The following TENM2 variants were observed in gnomAD, a reference collection of about 807,000 sequenced individuals.
TENM2 encodes the protein teneurin-2.
In TENM2, 52 loss-of-function variants were observed where a neutral mutation model predicts 245.2. The observed-to-expected ratio is 0.21, with a 90% CI of 0.17 to 0.27. The LOEUF is 0.27. Among genes scored for constraint, TENM2 ranks in the 10% least tolerant of loss-of-function variants. TENM2 has a pLI of 1.00. For missense variants in TENM2, 3,046 were observed against 3,666.8 expected (o/e 0.83, Z 4.37); for synonymous variants, 1,363 against 1,438.9 (o/e 0.95, Z 1.19).
chr5:167,928,603 G>A (rs1777942847), intron 3 of TENM2, among the ~76,000 whole-genome samples: 1 of 152,092 alleles, frequency 6.6e-6, no homozygotes, highest in Admixed American at 6.5e-5. Flanking sequence ...TGTGTTAAAA[G>A]AATGTGTGGG....
intron 7 of TENM2, among the ~76,000 whole-genome samples, chr5:168,075,017 AT>A (rs1356361221): frequency 1.3e-5 from 2 of 152,094 alleles, no homozygotes; most frequent in Non-Finnish European, 2.9e-5. Flanking sequence ...GATTTCTGAG[AT>A]TTTGGTGCAC....
intron 1 of TENM2, among the ~76,000 whole-genome samples, chr5:167,325,068 C>G (rs939254543): frequency 5.3e-5 from 8 of 152,126 alleles, no homozygotes; most frequent in Non-Finnish European, 1.0e-4. Context: ...TGATCCATGT[C>G]TTTTAATCTC....
chr5:167,422,681 A>G (rs1016312028), intron 2 of TENM2, among the ~76,000 whole-genome samples: 8 of 152,174 alleles, frequency 5.3e-5, no homozygotes, highest in African/African-American at 1.7e-4. Flanking sequence ...TTTGATGTCT[A>G]TTTCCAAAAG....
intron 2 of TENM2, among the ~76,000 whole-genome samples, chr5:167,772,937 G>A (rs1763499134): frequency 6.6e-6 from 1 of 152,092 alleles, no homozygotes; most frequent in South Asian, 2.1e-4. Flanking sequence ...GTACCCTCCA[G>A]AAATGGCTCA....
intron 11 of TENM2, 68 bp downstream of exon 13, chr5:168,125,118 T>A (rs1272056440): frequency 7.5e-7 from 1 of 1,328,906 alleles, no homozygotes; most frequent in Non-Finnish European, 1.1e-6. Context: ...CATTCTCAGA[T>A]GGATGGGAAT....
intron 3 of TENM2, among the ~76,000 whole-genome samples, chr5:167,942,481 A>G (rs1026900178): frequency 6.6e-6 from 1 of 152,144 alleles, no homozygotes; most frequent in African/African-American, 2.4e-5. Context: ...AGGCCCTAGA[A>G]ATGGCCTCCT....
At chr5:167,456,693 T>A (rs1765944310) in intron 2 of TENM2, among the ~76,000 whole-genome samples, 1 of 152,248 alleles carries the variant, frequency 6.6e-6, no homozygotes, top group Non-Finnish European at 1.5e-5. Flanking sequence ...GCTACATAAA[T>A]GAGCTTATCT....
the TENM2 span, among the ~76,000 whole-genome samples, chr5:167,073,550 C>T: frequency 1.3e-5 from 2 of 152,080 alleles, no homozygotes; most frequent in East Asian, 1.9e-4. Flanking sequence ...TATTGTCTCT[C>T]CCCCTCCCAA....
intron 2 of TENM2, among the ~76,000 whole-genome samples, chr5:167,561,224 A>C (rs890627207): frequency 6.6e-6 from 1 of 152,228 alleles, no homozygotes; most frequent in Non-Finnish European, 1.5e-5. Context: ...CAACCTGATT[A>C]ACCTATTAAA....
chr5:167,400,662 C>A (rs1281771225), intron 2 of TENM2, among the ~76,000 whole-genome samples: 1 of 151,912 alleles, frequency 6.6e-6, no homozygotes, highest in Admixed American at 6.6e-5. Context: ...GTACCAGGGC[C>A]AAGGACACGA....
At chr5:167,291,686 T>G (rs755810260) in intron 1 of TENM2, among the ~76,000 whole-genome samples, 11 of 152,226 alleles carry the variant, frequency 7.2e-5, no homozygotes, top group Non-Finnish European at 1.5e-4. Flanking sequence ...TATCCTGTGC[T>G]TGGAGATAGC....
At chr5:167,839,290 G>C (rs1769270684) in intron 2 of TENM2, among the ~76,000 whole-genome samples, 1 of 152,164 alleles carries the variant, frequency 6.6e-6, no homozygotes, top group African/African-American at 2.4e-5. Context: ...TGCCCCGAAG[G>C]CAACTGTTTA....
intron 2 of TENM2, among the ~76,000 whole-genome samples, chr5:167,779,142 G>A (rs757840972): frequency 2.6e-5 from 4 of 152,184 alleles, no homozygotes; most frequent in African/African-American, 4.8e-5. Flanking sequence ...AACACCAAGC[G>A]GGCCAGCAGT....
intron 2 of TENM2, among the ~76,000 whole-genome samples, chr5:167,522,583 T>C (rs1010454986): frequency 6.6e-6 from 1 of 152,068 alleles, no homozygotes; most frequent in Non-Finnish European, 1.5e-5. Flanking sequence ...TTATATCTGA[T>C]GGGAAATACA....
intron 27 of TENM2, among the ~76,000 whole-genome samples, chr5:168,255,365 G>C (rs766776823): frequency 6.6e-6 from 1 of 150,876 alleles, no homozygotes; most frequent in South Asian, 2.1e-4. Flanking sequence ...GCAGTGGCAC[G>C]GTCTTGGCTC....
At chr5:168,100,289 T>C (rs1267153581) in intron 9 of TENM2, among the ~76,000 whole-genome samples, 1 of 151,946 alleles carries the variant, frequency 6.6e-6, no homozygotes, top group Non-Finnish European at 1.5e-5. Flanking sequence ...TTGGTGGGAG[T>C]ATAAATTAGT....
intron 2 of TENM2, among the ~76,000 whole-genome samples, chr5:167,451,895 C>T (rs1344521187): frequency 3.9e-5 from 6 of 152,096 alleles, no homozygotes. Context: ...GTGATCCACC[C>T]TCCTCGGCCT....
rs72829345 is a variant in TENM2, at chr5:167,425,170, T to C, written c.502+49697T>C. Among the ~76,000 whole-genome samples, 844 of 152,304 alleles carry C rather than the reference T, an allele frequency of 5.5e-3. 4 individuals are homozygous for C. The highest frequency in any genetic ancestry group is 0.011 in the Admixed American group (162 of 15,290). On this transcript the variant is annotated intron_variant, in intron 2 of 28. Transcript: ENST00000518659. Reference sequence around the variant, plus strand: ...AGAGTTCAAAGTATCTATGAGTTATTTCTAAATACCACTTAACTCCTCCCA... The same window carrying C: ...AGAGTTCAAAGTATCTATGAGTTATCTCTAAATACCACTTAACTCCTCCCA...
At chr5:167,979,030 G>C (rs1453978491) in intron 4 of TENM2, among the ~76,000 whole-genome samples, 2 of 152,158 alleles carry the variant, frequency 1.3e-5, no homozygotes, top group Non-Finnish European at 2.9e-5. Context: ...CAGTACATGT[G>C]ATTTGATTAA....
Sources: allele counts gnomAD v4.1 joint callset (sites outside exome capture counted in the v4.1 genomes callset), GRCh38; gene constraint gnomAD v4.1.1; transcripts MANE v1.5; gene names NCBI Gene and HGNC (gene_info 2026-07-23, HGNC 2026-07-21).